Variants in NPAS3 observed in about 807,000 individuals in gnomAD.
NPAS3 encodes neuronal PAS domain-containing protein 3.
NPAS3 carries 14 observed loss-of-function variants against 73.1 expected under a neutral mutation model. That is an observed-to-expected ratio of 0.19 (90% CI 0.13 to 0.30). The LOEUF (loss-of-function observed/expected upper bound fraction) is 0.30. Among genes scored for constraint, NPAS3 ranks in the 10% least tolerant of loss-of-function variants. The pLI is 1.00. For synonymous variants in NPAS3, 620 were observed against 541.5 expected (o/e 1.14, Z -2.01); for missense variants, 1,096 against 1,250.0 (o/e 0.88, Z 1.86).
rs1165132595 is a variant in NPAS3 at position 33,665,452 on chromosome 14, AC to A, written c.559-10758del. On this transcript the variant is annotated intron_variant, in intron 5 of 11. Transcript: ENST00000356141. ...CAGAACTTAAAGTGTGATTAAAAAA[AC>A]AAAACAAAACAAAACAGGATGACTT... 4.6e-5 allele frequency among the ~76,000 whole-genome samples: 7 copies of A among 152,302 alleles called. No homozygotes were observed. In the South Asian group the frequency reaches 6.2e-4, roughly 14 times the overall value.
chr14:33,709,369 G>T (rs1306915420), intron 6 of NPAS3, among the ~76,000 whole-genome samples: 2 of 152,144 alleles, frequency 1.3e-5, no homozygotes, highest in Non-Finnish European at 2.9e-5. Flanking sequence ...ATCACAGGAT[G>T]CCAGGAGAGG....
intron 5 of NPAS3, among the ~76,000 whole-genome samples, chr14:33,651,675 A>G (rs527571764): frequency 1.3e-5 from 2 of 152,236 alleles, no homozygotes; most frequent in South Asian, 4.1e-4. Flanking sequence ...CTATTTGTAC[A>G]TTAAGGATAA....
At chr14:33,003,177 C>T (rs2038872262) in intron 1 of NPAS3, among the ~76,000 whole-genome samples, 1 of 150,738 alleles carries the variant, frequency 6.6e-6, no homozygotes, top group South Asian at 2.1e-4. Context: ...TAACTGCATC[C>T]AAAAAATAAA....
At chr14:33,347,931 G>A (rs1218090798) in intron 3 of NPAS3, among the ~76,000 whole-genome samples, 1 of 151,890 alleles carries the variant, frequency 6.6e-6, no homozygotes, top group East Asian at 1.9e-4. Context: ...TACAGGATCA[G>A]CCAATGCAGA....
At chr14:33,759,836 A>T (rs2062228446) in intron 7 of NPAS3, among the ~76,000 whole-genome samples, 1 of 152,228 alleles carries the variant, frequency 6.6e-6, no homozygotes, top group African/African-American at 2.4e-5. Context: ...AGATCGCAAC[A>T]TGCACATCAC....
intron 4 of NPAS3, among the ~76,000 whole-genome samples, chr14:33,383,892 G>A (rs929835565): frequency 2.6e-5 from 4 of 152,040 alleles, no homozygotes; most frequent in East Asian, 1.9e-4. Context: ...ATAATCTGCC[G>A]CTATATTTGC....
intron 5 of NPAS3, among the ~76,000 whole-genome samples, chr14:33,602,036 C>T (rs2057413926): frequency 6.6e-6 from 1 of 152,148 alleles, no homozygotes; most frequent in African/African-American, 2.4e-5. Context: ...GGAGCAGGTT[C>T]CTGACAGAGC....
intron 2 of NPAS3, among the ~76,000 whole-genome samples, chr14:33,140,617 A>G (rs1328076452): frequency 6.6e-6 from 1 of 152,008 alleles, no homozygotes; most frequent in Non-Finnish European, 1.5e-5. Context: ...TTCATACTTC[A>G]GTTTTGTTTT....
chr14:33,356,319 C>T lies in NPAS3; in HGVS notation c.386-10867C>T, dbSNP rs570363850. On this transcript the variant is annotated intron_variant, in intron 3 of 11. Coordinates refer to ENST00000356141, the Ensembl canonical transcript of NPAS3. ...AAATTTTTGGCAAGTGATGCAGATT[C>T]TTTTTCAGAAAATGTTGATTGATTG... Among the ~76,000 whole-genome samples, 10 of 152,314 alleles carry T rather than the reference C, an allele frequency of 6.6e-5. No homozygotes were observed. The South Asian group carries it at 1.0e-3, about 16-fold the overall frequency.
chr14:33,237,802 T>C (rs1037624397), intron 3 of NPAS3, among the ~76,000 whole-genome samples: 1 of 151,924 alleles, frequency 6.6e-6, no homozygotes, highest in African/African-American at 2.4e-5. Flanking sequence ...CACAGGTATT[T>C]ACATAAAGAA....
Position 33,313,149 on chromosome 14 carries a change from T to C in NPAS3, c.386-54037T>C, listed in dbSNP as rs143426393. Among the ~76,000 whole-genome samples the C allele has an allele frequency of 5.3e-5, 8 of 152,152 alleles. No homozygotes were observed. In the East Asian group the frequency reaches 1.5e-3, roughly 29 times the overall value. ...TGGAACAGTGAAGTGTCGGAATGCATGGAGATCAGATTAAATGTATTTGAA... is the reference window on the plus strand; with the variant it reads ...TGGAACAGTGAAGTGTCGGAATGCACGGAGATCAGATTAAATGTATTTGAA... On this transcript the variant is annotated intron_variant, in intron 3 of 11. Transcript: ENST00000356141.
intron 6 of NPAS3, among the ~76,000 whole-genome samples, chr14:33,714,145 A>T (rs190722283): frequency 3.4e-4 from 51 of 152,062 alleles, no homozygotes; most frequent in African/African-American, 1.1e-3. Flanking sequence ...TAATAATAAA[A>T]TTTTTTAAAA....
chr14:33,587,867 G>T (rs77425027), intron 5 of NPAS3, among the ~76,000 whole-genome samples: 1 of 152,164 alleles, frequency 6.6e-6, no homozygotes, highest in Non-Finnish European at 1.5e-5. Flanking sequence ...CACCAGTTAC[G>T]TTAAGGAGCA....
At chr14:33,308,527 TACATACACACAC>T (rs2042862167) in intron 3 of NPAS3, among the ~76,000 whole-genome samples, 1 of 103,722 alleles carries the variant, frequency 9.6e-6, no homozygotes, top group African/African-American at 4.6e-5. Flanking sequence ...TATATATATA[TACATACACACAC>T]ACACACACAC....
chr14:33,243,030 T>C (rs2048261386), intron 3 of NPAS3, among the ~76,000 whole-genome samples: 1 of 152,154 alleles, frequency 6.6e-6, no homozygotes, highest in Non-Finnish European at 1.5e-5. Flanking sequence ...GGGACTGTTT[T>C]TTAAAAATCA....
At chr14:33,263,160 T>A (rs1403417044) in intron 3 of NPAS3, among the ~76,000 whole-genome samples, 2 of 152,244 alleles carry the variant, frequency 1.3e-5, no homozygotes, top group African/African-American at 2.4e-5. Context: ...TTTGTTGCCA[T>A]TGCTTTTGGT....
intron 3 of NPAS3, among the ~76,000 whole-genome samples, chr14:33,237,814 A>T (rs1320311330): frequency 2.6e-5 from 4 of 151,950 alleles, no homozygotes; most frequent in Non-Finnish European, 5.9e-5. Flanking sequence ...CATAAAGAAG[A>T]TAAGTATATT....
At chr14:33,128,388 T>G (rs1258516271) in intron 2 of NPAS3, among the ~76,000 whole-genome samples, 1 of 152,196 alleles carries the variant, frequency 6.6e-6, no homozygotes, top group Non-Finnish European at 1.5e-5. Context: ...AAGAGATTTT[T>G]CTGTTCTTAT....
intron 4 of NPAS3, among the ~76,000 whole-genome samples, chr14:33,556,882 A>T (rs2055379791): frequency 6.6e-6 from 1 of 152,194 alleles, no homozygotes; most frequent in Non-Finnish European, 1.5e-5. Context: ...TTCTCCTGTG[A>T]TCTTTCTTTG....
Sources: gnomAD v4.1 joint callset for allele counts (sites outside exome capture counted in the v4.1 genomes callset) on GRCh38, gnomAD v4.1.1 for gene constraint, MANE v1.5 for transcripts, NCBI Gene and HGNC (gene_info 2026-07-23, HGNC 2026-07-21) for gene names.